Variants in ST8SIA5 observed in about 807,000 individuals in gnomAD.
ST8SIA5 encodes the protein alpha-2,8-sialyltransferase 8E.
ST8SIA5 carries 24 observed loss-of-function variants against 40.2 expected under a neutral mutation model. The observed-to-expected ratio is 0.60, with a 90% CI of 0.43 to 0.84. The LOEUF (loss-of-function observed/expected upper bound fraction) is 0.84. Among genes scored for constraint, ST8SIA5 ranks in the 40% least tolerant of loss-of-function variants. The pLI, the probability that ST8SIA5 is intolerant of heterozygous loss-of-function variation, is 0.00. For missense variants in ST8SIA5, 465 were observed against 498.5 expected, an observed-to-expected ratio of 0.93 and a Z score of 0.64; for synonymous variants, 198 against 201.8, an observed-to-expected ratio of 0.98 and a Z score of 0.16.
intron 2 of ST8SIA5, among the ~76,000 whole-genome samples, chr18:46,703,774 A>G (rs1215041999): frequency 1.3e-5 from 2 of 152,214 alleles, no homozygotes; most frequent in Non-Finnish European, 2.9e-5. Flanking sequence ...TTGCAAATAA[A>G]TACAGATTCT....
At chr18:46,756,170 T>C (rs1212928422) in intron 1 of ST8SIA5, among the ~76,000 whole-genome samples, 1 of 152,208 alleles carries the variant, frequency 6.6e-6, no homozygotes, top group Non-Finnish European at 1.5e-5. Context: ...CAAAGTTGTC[T>C]GGACCCTCCA....
intron 1 of ST8SIA5, among the ~76,000 whole-genome samples, chr18:46,730,678 C>A (rs975549744): frequency 6.6e-6 from 1 of 152,030 alleles, no homozygotes; most frequent in Admixed American, 6.6e-5. Flanking sequence ...ATCAAAAAAT[C>A]AAAAAATTAG....
Position 46,756,538 on chromosome 18 carries a change from T to C in ST8SIA5, c.-30A>G, listed in dbSNP as rs764953709. ...GCTACCGGGCGCCGCGGGCGCGGGG[T>C]ACGGGGCGGCCAGGCAATGACTCGC... On this transcript the variant is annotated 5_prime_UTR_variant, in exon 1 of 7. Transcript: ENST00000315087. 17 of 1,609,014 alleles carry C rather than the reference T, an allele frequency of 1.1e-5. No individual in the cohort carries two copies. In the East Asian group the frequency reaches 2.9e-4, roughly 28 times the overall value.
At chr18:46,736,814 C>A (rs997219334) in intron 1 of ST8SIA5, among the ~76,000 whole-genome samples, 4 of 152,036 alleles carry the variant, frequency 2.6e-5, no homozygotes, top group Non-Finnish European at 5.9e-5. Flanking sequence ...CCCCCGCTGA[C>A]CCAGTGTGGC....
At chr18:46,708,992 C>T (rs1323650626) in intron 1 of ST8SIA5, among the ~76,000 whole-genome samples, 1 of 152,164 alleles carries the variant, frequency 6.6e-6, no homozygotes, top group African/African-American at 2.4e-5. Flanking sequence ...CTCAGTTTTC[C>T]CATCTGGAAA....
intron 1 of ST8SIA5, among the ~76,000 whole-genome samples, chr18:46,716,813 C>T (rs1424936690): frequency 4.6e-5 from 7 of 152,228 alleles, no homozygotes; most frequent in Non-Finnish European, 1.0e-4. Context: ...GCCCTGGGGG[C>T]AGACGTATCT....
intron 5 of ST8SIA5, among the ~76,000 whole-genome samples, chr18:46,685,431 G>A (rs1568250091): frequency 2.0e-5 from 3 of 152,172 alleles, no homozygotes; most frequent in Admixed American, 1.3e-4. Context: ...CTCCGCCTGT[G>A]ACAGCAGGTG....
chr18:46,685,390 C>G (rs544546415), intron 5 of ST8SIA5, among the ~76,000 whole-genome samples: 12 of 152,176 alleles, frequency 7.9e-5, no homozygotes, highest in South Asian at 4.1e-4. Context: ...TGGGCAGACT[C>G]CAGATCACAG....
At position 46,737,359 on chromosome 18, in the gene ST8SIA5, C is replaced by A. The variant is rs1468601893; in HGVS notation, c.131+19019G>T. 3.3e-5 allele frequency among the ~76,000 whole-genome samples: 5 copies of A among 152,302 alleles called. No individual in the cohort carries two copies. In the South Asian group the frequency reaches 6.2e-4, roughly 19 times the overall value. The stretch of plus-strand genomic sequence containing the variant: ...TTATACACTGTCTTACATAATTTTT[C>A]ATGTTTGTCTCTTTAAGTGTTCTGT... On this transcript the variant is annotated intron_variant, in intron 1 of 6. Coordinates refer to ENST00000315087, the MANE Select transcript of ST8SIA5 (RefSeq NM_013305.6).
chr18:46,751,731 A>G (rs7237805), intron 1 of ST8SIA5, among the ~76,000 whole-genome samples: 55,051 of 152,088 alleles, frequency 0.36, 10,662 homozygotes, highest in African/African-American at 0.5. Flanking sequence ...AGAAAACATT[A>G]GAGTACATTT....
At chr18:46,715,302 G>A (rs568309070) in intron 1 of ST8SIA5, among the ~76,000 whole-genome samples, 13 of 152,196 alleles carry the variant, frequency 8.5e-5, no homozygotes, top group East Asian at 1.9e-4. Context: ...GATGGCATTC[G>A]GGACTGCAGG....
chr18:46,715,645 T>G (rs907847882), intron 1 of ST8SIA5, among the ~76,000 whole-genome samples: 3 of 152,052 alleles, frequency 2.0e-5, no homozygotes, highest in Non-Finnish European at 4.4e-5. Context: ...AGTGGCATGA[T>G]CTCAGCTCAC....
At chr18:46,686,131 G>A in intron 5 of ST8SIA5, 43 bp downstream of exon 5, 1 of 1,573,582 alleles carries the variant, frequency 6.4e-7, no homozygotes, top group Non-Finnish European at 8.7e-7. Context: ...TGGAGGAGAG[G>A]GCCATGGGGT....
At chr18:46,727,365 C>T in intron 1 of ST8SIA5, among the ~76,000 whole-genome samples, 1 of 152,136 alleles carries the variant, frequency 6.6e-6, no homozygotes. Context: ...GTAACATAGC[C>T]CCTTGCTCTC....
chr18:46,690,784 C>A (rs1344458051), intron 3 of ST8SIA5, among the ~76,000 whole-genome samples: 1 of 151,958 alleles, frequency 6.6e-6, no homozygotes, highest in Non-Finnish European at 1.5e-5. Context: ...TGGCTAATTT[C>A]TTTGCATTTT....
chr18:46,702,129 A>G (rs1355751198), intron 2 of ST8SIA5, among the ~76,000 whole-genome samples: 2 of 147,684 alleles, frequency 1.4e-5, no homozygotes, highest in Non-Finnish European at 3.0e-5. Context: ...CCTGGGTGAC[A>G]AAGTGAGACT....
At position 46,703,421 on chromosome 18, in the gene ST8SIA5, G is replaced by A. The variant is rs182000325; in HGVS notation, c.224+1151C>T. ...TATCTATTTTCACATGCCTTATTTC[G>A]GCTAGTCTACAGCAACCCTTAAAGG... On this transcript the variant is annotated intron_variant, in intron 2 of 6. Coordinates refer to ENST00000315087, the MANE Select transcript of ST8SIA5 (RefSeq NM_013305.6). Among the ~76,000 whole-genome samples the A allele has an allele frequency of 7.2e-5, 11 of 152,100 alleles. No homozygotes were observed. In the East Asian group the frequency reaches 1.7e-3, roughly 24 times the overall value.
intron 3 of ST8SIA5, chr18:46,691,305 A>C (rs1274546364): frequency 1.3e-5 from 2 of 152,186 alleles, no homozygotes; most frequent in Non-Finnish European, 2.9e-5. Context: ...CTACCTCTAG[A>C]CTTGGTCTGG....
intron 1 of ST8SIA5, chr18:46,731,907 T>C (rs2039988136): frequency 6.6e-6 from 1 of 152,156 alleles, no homozygotes. Context: ...ACAAAGTGCT[T>C]CACTTCTACC....
Sources: gnomAD v4.1 joint callset for allele counts (sites outside exome capture counted in the v4.1 genomes callset) on GRCh38, gnomAD v4.1.1 for gene constraint, MANE v1.5 for transcripts, NCBI Gene and HGNC (gene_info 2026-07-23, HGNC 2026-07-21) for gene names.